The following MDGA2 variants were observed in gnomAD, a reference collection of about 807,000 sequenced individuals.
MDGA2 encodes MAM domain-containing glycosylphosphatidylinositol anchor protein 2.
MDGA2 carries 40 observed loss-of-function variants against 117.8 expected under a neutral mutation model. The observed-to-expected ratio is 0.34, with a 90% CI of 0.26 to 0.44. The LOEUF (loss-of-function observed/expected upper bound fraction) is 0.44. Among genes scored for constraint, MDGA2 ranks in the 20% least tolerant of loss-of-function variants. The pLI, the probability that MDGA2 is intolerant of heterozygous loss-of-function variation, is 1.00. For synonymous variants in MDGA2, 452 were observed against 439.0 expected, an observed-to-expected ratio of 1.03 and a Z score of -0.37; for missense variants, 1,123 against 1,250.6, an observed-to-expected ratio of 0.90 and a Z score of 1.54.
chr14:47,287,532 A>C (rs1381475619), intron 2 of MDGA2, among the ~76,000 whole-genome samples: 1 of 152,188 alleles, frequency 6.6e-6, no homozygotes, highest in Non-Finnish European at 1.5e-5. Context: ...AGCTTCACAT[A>C]GTTTTCATAT....
At chr14:47,320,310 A>G (rs943127131) in intron 1 of MDGA2, among the ~76,000 whole-genome samples, 2 of 152,142 alleles carry the variant, frequency 1.3e-5, no homozygotes, top group Non-Finnish European at 2.9e-5. Flanking sequence ...TGAGCCCAGG[A>G]GTTCAAGGCT....
At chr14:47,594,869 G>C (rs958898618) in intron 1 of MDGA2, among the ~76,000 whole-genome samples, 1 of 152,084 alleles carries the variant, frequency 6.6e-6, no homozygotes, top group Admixed American at 6.6e-5. Context: ...TAGCACAATG[G>C]GTAAGAAAGA....
chr14:47,266,035 C>A (rs1299036198), intron 2 of MDGA2, among the ~76,000 whole-genome samples: 1 of 152,022 alleles, frequency 6.6e-6, no homozygotes, highest in African/African-American at 2.4e-5. Context: ...GTCACATAAT[C>A]CTCATATGTT....
chr14:47,003,916 G>A (rs1290432584), intron 8 of MDGA2, among the ~76,000 whole-genome samples: 1 of 151,724 alleles, frequency 6.6e-6, no homozygotes, highest in Non-Finnish European at 1.5e-5. Context: ...TAGATACAAT[G>A]CCCAAAACAG....
intron 6 of MDGA2, among the ~76,000 whole-genome samples, chr14:47,063,073 T>C (rs556068898): frequency 2.2e-4 from 33 of 152,046 alleles, no homozygotes; most frequent in South Asian, 4.1e-4. Flanking sequence ...TGCATATTCA[T>C]AGATTAGAGG....
intron 3 of MDGA2, among the ~76,000 whole-genome samples, chr14:47,164,210 C>T (rs1350729979): frequency 6.6e-6 from 1 of 152,190 alleles, no homozygotes; most frequent in Non-Finnish European, 1.5e-5. Flanking sequence ...CCCTCTCCCA[C>T]TGGCCCTGAA....
intron 1 of MDGA2, among the ~76,000 whole-genome samples, chr14:47,624,811 G>A (rs566098565): frequency 1.3e-5 from 2 of 152,216 alleles, no homozygotes; most frequent in South Asian, 2.1e-4. Flanking sequence ...GATAAAAACT[G>A]TAGTACATAG....
At chr14:47,201,047 C>A (rs1330700926) in intron 3 of MDGA2, 17 of 1,128,730 alleles carry the variant, frequency 1.5e-5, no homozygotes, top group Non-Finnish European at 1.8e-5. Context: ...ACAATGGCCG[C>A]CAGGCGGCCC....
chr14:47,445,869 G>A (rs940801061), intron 1 of MDGA2, among the ~76,000 whole-genome samples: 2 of 152,114 alleles, frequency 1.3e-5, no homozygotes, highest in Non-Finnish European at 2.9e-5. Context: ...CAATGAGTCA[G>A]AAATGGAATT....
At chr14:47,037,789 T>A in intron 7 of MDGA2, among the ~76,000 whole-genome samples, 1 of 152,292 alleles carries the variant, frequency 6.6e-6, no homozygotes, top group East Asian at 1.9e-4. Context: ...TTTAGATAAA[T>A]CTGTGTAAAA....
intron 14 of MDGA2, among the ~76,000 whole-genome samples, chr14:46,856,958 C>T (rs1256814020): frequency 6.6e-6 from 1 of 152,068 alleles, no homozygotes; most frequent in Non-Finnish European, 1.5e-5. Flanking sequence ...TTCAAACTCC[C>T]TTCAGATGTT....
At chr14:47,387,904 C>T (rs1006110060) in intron 1 of MDGA2, among the ~76,000 whole-genome samples, 5 of 151,982 alleles carry the variant, frequency 3.3e-5, no homozygotes, top group African/African-American at 1.2e-4. Context: ...GCACAGCCTT[C>T]GATATAAAGG....
chr14:46,847,304 A>G (rs917432385), intron 15 of MDGA2, among the ~76,000 whole-genome samples: 2 of 152,112 alleles, frequency 1.3e-5, no homozygotes, highest in Non-Finnish European at 2.9e-5. Context: ...TTTCCTGCTT[A>G]TCTATGTTAA....
intron 1 of MDGA2, among the ~76,000 whole-genome samples, chr14:47,552,908 G>A (rs1209510460): frequency 6.6e-6 from 1 of 152,136 alleles, no homozygotes; most frequent in Non-Finnish European, 1.5e-5. Context: ...CTTCCCCATG[G>A]ATTGCTTTTC....
chr14:47,087,749 G>A (rs1890957167), intron 6 of MDGA2, among the ~76,000 whole-genome samples: 1 of 146,610 alleles, frequency 6.8e-6, no homozygotes, highest in African/African-American at 2.5e-5. Context: ...TGAATTATGC[G>A]TTTTCATATT....
At position 47,561,141 on chromosome 14, in the gene MDGA2, G is replaced by GTTTT. The variant is rs745347174; in HGVS notation, c.280+113372_280+113375dup. Among the ~76,000 whole-genome samples, 16 of 52,138 alleles carry GTTTT rather than the reference G, an allele frequency of 3.1e-4. 1 individual carries two copies. In the East Asian group the frequency reaches 8.2e-3, roughly 27 times the overall value. 34.2% of individuals were successfully genotyped at this position (52,138 alleles called of 152,430 possible). ...AGGCTAGCATGATACCTCTATCTTT[G>GTTTT]TTTTTTTTTTTGTTTTGTTTTGTTT... On this transcript the variant is annotated intron_variant, in intron 1 of 16. Coordinates refer to ENST00000399232, the MANE Select transcript of MDGA2 (RefSeq NM_001113498.3).
intron 1 of MDGA2, among the ~76,000 whole-genome samples, chr14:47,348,594 C>G (rs1209311959): frequency 6.6e-6 from 1 of 151,778 alleles, no homozygotes; most frequent in African/African-American, 2.4e-5. Flanking sequence ...GATAGTTTCT[C>G]GAGAAGGCAA....
intron 5 of MDGA2, among the ~76,000 whole-genome samples, chr14:47,108,541 C>A (rs1880858694): frequency 6.6e-6 from 1 of 152,062 alleles, no homozygotes; most frequent in African/African-American, 2.4e-5. Context: ...GCTCAAAAAG[C>A]ACCCCCACTG....
At chr14:47,104,069 T>C (rs1056130571) in intron 5 of MDGA2, among the ~76,000 whole-genome samples, 2 of 152,190 alleles carry the variant, frequency 1.3e-5, no homozygotes, top group African/African-American at 2.4e-5. Flanking sequence ...TCTGAAGTCA[T>C]ATGCATTTAC....
Sources: gnomAD v4.1 joint callset for allele counts (sites outside exome capture counted in the v4.1 genomes callset) on GRCh38, gnomAD v4.1.1 for gene constraint, MANE v1.5 for transcripts, NCBI Gene and HGNC (gene_info 2026-07-23, HGNC 2026-07-21) for gene names.